The following ATXN1 variants were observed in gnomAD, a reference collection of about 807,000 sequenced individuals.
The protein encoded by ATXN1 is ataxin-1.
ATXN1 carries 8 observed loss-of-function variants against 56.4 expected under a neutral mutation model. The observed-to-expected ratio is 0.14, with a 90% CI of 0.08 to 0.26. The LOEUF is 0.26. Ranked by LOEUF, ATXN1 falls within the 10% of genes least tolerant of loss-of-function variation. The pLI, the probability that ATXN1 is intolerant of heterozygous loss-of-function variation, is 1.00. For missense variants in ATXN1, 987 were observed against 1,106.5 expected, an observed-to-expected ratio of 0.89 and a Z score of 1.53; for synonymous variants, 514 against 494.6, an observed-to-expected ratio of 1.04 and a Z score of -0.52.
At chr6:16,461,230 A>C (rs1337905936) in intron 6 of ATXN1, among the ~76,000 whole-genome samples, 5 of 152,224 alleles carry the variant, frequency 3.3e-5, no homozygotes, top group Admixed American at 2.0e-4. Context: ...TCCCTGATCG[A>C]AACAGAATGG....
chr6:16,318,741 G>C (rs778864395), intron 7 of ATXN1, among the ~76,000 whole-genome samples: 4 of 152,190 alleles, frequency 2.6e-5, no homozygotes, highest in Non-Finnish European at 5.9e-5. Flanking sequence ...CACATTAAAA[G>C]CTGGGTTTTT....
intron 2 of ATXN1, among the ~76,000 whole-genome samples, chr6:16,688,131 T>C (rs1758958657): frequency 6.6e-6 from 1 of 152,166 alleles, no homozygotes; most frequent in Admixed American, 6.5e-5. Flanking sequence ...GTATATTGTA[T>C]CACAGTGGTT....
chr6:16,475,276 G>A (rs780357870), intron 6 of ATXN1, among the ~76,000 whole-genome samples: 16 of 152,100 alleles, frequency 1.1e-4, no homozygotes, highest in South Asian at 6.2e-4. Context: ...ATACATAACC[G>A]AATTCACTGT....
chr6:16,504,993 C>CTTTTTTTTTTTTTTTTTTTTTT (rs34197922), intron 5 of ATXN1, among the ~76,000 whole-genome samples: 1 of 135,318 alleles, frequency 7.4e-6, no homozygotes, highest in African/African-American at 2.9e-5. Context: ...CTCCTGTTTC[C>CTTTTTTTTTTTTTTTTTTTTTT]TTTTTTTTTT....
chr6:16,429,662 C>G (rs549101245), intron 6 of ATXN1, among the ~76,000 whole-genome samples: 1 of 152,250 alleles, frequency 6.6e-6, no homozygotes, highest in Admixed American at 6.5e-5. Context: ...AGGTGATCCA[C>G]CCATCTCGGC....
At chr6:16,353,209 C>T (rs1023208020) in intron 6 of ATXN1, among the ~76,000 whole-genome samples, 2 of 152,132 alleles carry the variant, frequency 1.3e-5, no homozygotes, top group African/African-American at 4.8e-5. Flanking sequence ...CGTCTGGCTG[C>T]GGTGTTCTAG....
At chr6:16,732,773 CTTA>C (rs1358317886) in intron 2 of ATXN1, among the ~76,000 whole-genome samples, 8 of 152,238 alleles carry the variant, frequency 5.3e-5, no homozygotes, top group African/African-American at 1.9e-4. Context: ...CATGTATGCC[CTTA>C]TTAAGTACTT....
At chr6:16,543,754 C>T (rs1032655041) in intron 4 of ATXN1, among the ~76,000 whole-genome samples, 2 of 151,474 alleles carry the variant, frequency 1.3e-5, no homozygotes, top group South Asian at 2.1e-4. Context: ...GAGTTAAAGG[C>T]GAGCACTTAA....
intron 2 of ATXN1, among the ~76,000 whole-genome samples, chr6:16,671,255 T>G (rs1581350414): frequency 6.6e-6 from 1 of 152,016 alleles, no homozygotes; most frequent in East Asian, 1.9e-4. Flanking sequence ...TTTACAAAGT[T>G]TACATTCCAG....
intron 6 of ATXN1, among the ~76,000 whole-genome samples, chr6:16,395,422 T>C (rs1275588303): frequency 6.6e-6 from 1 of 152,104 alleles, no homozygotes; most frequent in Non-Finnish European, 1.5e-5. Context: ...AACATTTGGG[T>C]CAGCCGCGGA....
chr6:16,651,475 C>T (rs1763891482), intron 3 of ATXN1, among the ~76,000 whole-genome samples: 1 of 149,956 alleles, frequency 6.7e-6, no homozygotes, highest in Admixed American at 6.7e-5. Flanking sequence ...ACCTGGGAAG[C>T]AGAGGTTGCA....
At chr6:16,407,424 T>C (rs955658464) in intron 6 of ATXN1, among the ~76,000 whole-genome samples, 18 of 152,342 alleles carry the variant, frequency 1.2e-4, no homozygotes, top group Admixed American at 3.3e-4. Context: ...TTGAAATCAC[T>C]GAGAGATGAC....
intron 4 of ATXN1, among the ~76,000 whole-genome samples, chr6:16,562,453 A>AAGGAG (rs60418833): frequency 2.1e-4 from 24 of 114,642 alleles, no homozygotes; most frequent in Non-Finnish European, 2.1e-4. Context: ...AAAGAAAGAA[A>AAGGAG]AGGAGAGGAG....
At chr6:16,444,125 A>G (rs1759586095) in intron 6 of ATXN1, among the ~76,000 whole-genome samples, 2 of 152,110 alleles carry the variant, frequency 1.3e-5, no homozygotes, top group Admixed American at 1.3e-4. Context: ...CAAAAAAAAA[A>G]AAAAAAAGTA....
chr6:16,639,074 T>G (rs1468097806), intron 3 of ATXN1, among the ~76,000 whole-genome samples: 1 of 152,124 alleles, frequency 6.6e-6, no homozygotes, highest in Non-Finnish European at 1.5e-5. Context: ...GTTTGTAAAA[T>G]GGACCAATCA....
intron 4 of ATXN1, among the ~76,000 whole-genome samples, chr6:16,549,091 G>A (rs1761868325): frequency 6.6e-6 from 1 of 151,758 alleles, no homozygotes; most frequent in African/African-American, 2.4e-5. Context: ...CATCTCCTAT[G>A]ACAACAGTGC....
At chr6:16,520,733 A>C (rs1181804914) in intron 5 of ATXN1, among the ~76,000 whole-genome samples, 1 of 152,220 alleles carries the variant, frequency 6.6e-6, no homozygotes, top group Non-Finnish European at 1.5e-5. Flanking sequence ...CTTTTCTCAG[A>C]TAAGACAGGA....
intron 4 of ATXN1, among the ~76,000 whole-genome samples, chr6:16,569,557 T>G (rs1164099867): frequency 6.7e-6 from 1 of 148,888 alleles, no homozygotes; most frequent in African/African-American, 2.4e-5. Flanking sequence ...CAGTTCCGAT[T>G]GACTCAGTGG....
chr6:16,643,305 A>G (rs1763740946), intron 3 of ATXN1, among the ~76,000 whole-genome samples: 1 of 151,576 alleles, frequency 6.6e-6, no homozygotes, highest in African/African-American at 2.4e-5. Flanking sequence ...TGTCTAAAAA[A>G]TTCTGAACTC....
Sources: gnomAD v4.1 joint callset for allele counts (sites outside exome capture counted in the v4.1 genomes callset) on GRCh38, gnomAD v4.1.1 for gene constraint, MANE v1.5 for transcripts, NCBI Gene and HGNC (gene_info 2026-07-23, HGNC 2026-07-21) for gene names.